The following COL20A1 variants were observed in gnomAD, a reference collection of about 807,000 sequenced individuals.
COL20A1 encodes collagen alpha-1(XX) chain.
In COL20A1, 164 loss-of-function variants were observed where a neutral mutation model predicts 152.9. That is an observed-to-expected ratio of 1.07 (90% CI 0.94 to 1.22). The LOEUF is 1.22. COL20A1 is among the 50% of genes most tolerant of loss of function. COL20A1 has a pLI of 0.00. For synonymous variants in COL20A1, 864 were observed against 756.0 expected, an observed-to-expected ratio of 1.14 and a Z score of -2.34; for missense variants, 1,873 against 1,744.8, an observed-to-expected ratio of 1.07 and a Z score of -1.31.
rs963054360 is a variant in COL20A1 at position 63,332,996 on chromosome 20, C to T, written c.*2280C>T. 5.9e-5 allele frequency: 9 copies of T among 152,338 alleles called. No individual in the cohort carries two copies. Among genetic ancestry groups the T allele is most frequent in the Non-Finnish European group, 7.3e-5 (5 of 68,072 alleles). The allele number at this position is 152,338 out of a possible 1,614,324, so 9.4% of individuals were successfully genotyped here. A position where few individuals can be genotyped will look rare whatever the true frequency, so the allele number is the denominator to read the frequency against. ...GCCGACCTGCACGTCTCCCATCAGC[C>T]CCGACTCCACCGCATCCCTCTGGGT... On this transcript the variant is annotated 3_prime_UTR_variant, in exon 36 of 36. Coordinates refer to ENST00000358894, the MANE Select transcript of COL20A1 (RefSeq NM_020882.4).
At chr20:63,324,543 G>A (rs762052043) in intron 27 of COL20A1, 2 of 152,216 alleles carry the variant, frequency 1.3e-5, no homozygotes, top group Non-Finnish European at 2.9e-5. Context: ...ACAAGCTCTA[G>A]TGCTGTTATG....
intron 27 of COL20A1, 64 bp from the exon 28 acceptor site, chr20:63,325,377 C>T: frequency 7.8e-7 from 1 of 1,282,074 alleles, no homozygotes; most frequent in Non-Finnish European, 1.1e-6. Context: ...AGGTGTCACT[C>T]CTTCCCTGCC....
rs759448867 is a variant in COL20A1, at chr20:63,319,579, T to C, written c.2899T>C (p.Phe967Leu). 8 of 1,582,568 alleles carry C rather than the reference T, an allele frequency of 5.1e-6. No individual in the cohort carries two copies. In the Admixed American group the frequency reaches 1.4e-4, roughly 28 times the overall value. ...CCCGCAGGAAGTGAGGAAGATTTTC[T>C]TCGGGAGCTTCCACAAGGTCCTGGT... The part of the protein sequence containing the change: ...FDPQEVRKIF[F>L]GSFHKVHVAV... The change falls in exon 23 of 36, where the codon TTC becomes CTC. Residue 967 changes from phenylalanine (F) to leucine (L), a missense_variant. Physicochemically the swap from Phe to Leu is conservative, Grantham distance 22. Coordinates refer to ENST00000358894, the MANE Select transcript of COL20A1 (RefSeq NM_020882.4). This position sits in a 1 kb window ranked among gnomAD's most constrained non-coding sequence, Gnocchi z 4.4.
At position 63,320,202 on chromosome 20, in the gene COL20A1, G is replaced by A. The variant is rs768646047; in HGVS notation, c.3075+5G>A. On this transcript the variant is annotated splice_donor_5th_base_variant and intron_variant, in intron 24 of 35. Coordinates refer to ENST00000358894, the MANE Select transcript of COL20A1 (RefSeq NM_020882.4). ...CCCCGGAGCAGTTCGGCCGCGGTGA[G>A]TTGGGCCCTGCCCACCTGCTGGGCC... 269 of 1,595,016 alleles carry A rather than the reference G, an allele frequency of 1.7e-4. No individual in the cohort carries two copies. The highest frequency in any genetic ancestry group is 2.0e-4 in the Non-Finnish European group (238 of 1,174,154).
At chr20:63,329,765 G>T in intron 35 of COL20A1, 104 bp downstream of exon 35, 1 of 808,670 alleles carries the variant, frequency 1.2e-6, no homozygotes, top group Non-Finnish European at 1.9e-6. Flanking sequence ...CCAGGGTGGG[G>T]TGCTGGGAGC....
At position 63,322,083 on chromosome 20, in the gene COL20A1, C is replaced by G; in HGVS notation, c.3266C>G (p.Pro1089Arg). 6.7e-7 allele frequency: 1 copy of G among 1,502,590 alleles called. No individual in the cohort carries two copies. The highest frequency in any genetic ancestry group is 8.8e-7 in the Non-Finnish European group (1 of 1,130,018). The allele number at this position is 1,502,590 out of a possible 1,614,324, so 93.1% of individuals were successfully genotyped here. A position where few individuals can be genotyped will look rare whatever the true frequency, so the allele number is the denominator to read the frequency against. ...GGCCTCCCTGGGAGGAATGGCACCC[C>G]AGGAGAGCAGGGCTTCCCAGGGCCC... is the stretch of plus-strand genomic sequence containing the variant. ...PPGLPGRNGT[P>R]GEQGFPGPRG... The change falls in exon 27 of 36, where the codon CCA (proline) becomes CGA (arginine). Residue 1089 changes from proline (P) to arginine (R), a missense_variant. Physicochemically the swap from Pro to Arg is moderately radical, Grantham distance 103. Transcript: ENST00000358894.
In COL20A1 at chr20:63,306,062, T is replaced by A. The variant is rs2067922039; in HGVS notation, c.496+23T>A. ...CTGGTGGGTCAGAGTGGAGAGAGAG[T>A]AAGTCTCCGGGGAGGGAGTGACCTT... On this transcript the variant is annotated intron_variant, in intron 5 of 35. Coordinates refer to ENST00000358894, the MANE Select transcript of COL20A1 (RefSeq NM_020882.4). The surrounding 1 kb of genome is among the most constrained non-coding windows in gnomAD (Gnocchi z 6.9). 6.4e-7 allele frequency: 1 copy of A among 1,569,264 alleles called. No homozygotes were observed. Among genetic ancestry groups the A allele is most frequent in the Non-Finnish European group, 8.6e-7 (1 of 1,158,996 alleles).
At position 63,307,595 on chromosome 20, in the gene COL20A1, TC is replaced by T. The variant is rs753010290; in HGVS notation, c.604del (p.Leu202TrpfsTer17). ...GHSHFQQVKDFLASVIAPFEI... is the reference protein window; with the variant it reads ...GHSHFQQVKDXLASVIAPFEI... ...AGTCACTTCCAGCAGGTCAAGGACT[TC>T]CTGGCCAGTGTCATCGCACCCTTTG... On this transcript the variant is annotated frameshift_variant, in exon 6 of 36. Coordinates refer to ENST00000358894, the MANE Select transcript of COL20A1 (RefSeq NM_020882.4). LOFTEE classifies it high-confidence loss of function. 7 of 1,612,546 alleles carry T rather than the reference TC, an allele frequency of 4.3e-6. No homozygotes were observed. Among genetic ancestry groups the T allele is most frequent in the South Asian group, 3.3e-5 (3 of 91,090 alleles).
At chr20:63,300,016 A>G (rs927823015) in intron 3 of COL20A1, among the ~76,000 whole-genome samples, 1 of 152,030 alleles carries the variant, frequency 6.6e-6, no homozygotes, top group African/African-American at 2.4e-5. Context: ...CCTGGCCTCA[A>G]GCAGTCTTCT....
Position 63,319,071 on chromosome 20 carries a change from G to GC in COL20A1, c.2683dup (p.Leu895ProfsTer20), listed in dbSNP as rs1339972284. 3.8e-6 allele frequency: 6 copies of GC among 1,592,568 alleles called. No homozygotes were observed. The highest frequency in any genetic ancestry group is 5.1e-6 in the Non-Finnish European group (6 of 1,166,514). ...CAACCCCCACAGTGACGTCTACCCA[G>GC]CCCCCCTACCTCCAGAGCACACCAT... On this transcript the variant is annotated frameshift_variant, in exon 22 of 36. Coordinates refer to ENST00000358894, the MANE Select transcript of COL20A1 (RefSeq NM_020882.4). LOFTEE classifies it high-confidence loss of function. The surrounding 1 kb of genome is among the most constrained non-coding windows in gnomAD (Gnocchi z 4.4).
intron 35 of COL20A1, among the ~76,000 whole-genome samples, chr20:63,330,445 G>T (rs2068318232): frequency 6.6e-6 from 1 of 152,148 alleles, no homozygotes; most frequent in Non-Finnish European, 1.5e-5. Context: ...TGCCTGAGAT[G>T]CCCAAGAATC....
chr20:63,329,372 C>T, intron 34 of COL20A1: 1 of 584,284 alleles, frequency 1.7e-6, no homozygotes, highest in South Asian at 2.1e-5. Flanking sequence ...CCCACCTGGC[C>T]ATGCCCCCCC....
rs2068278484 is a variant in COL20A1, at chr20:63,328,089, A to G, written c.3575A>G (p.Gln1192Arg). ...KGERGEKGEP[Q>R]SLATLYQLVS... Reference sequence around the variant, plus strand: ...CACCTTCCCTTCCAGGGCGAGCCGCAGTCCCTTGCCACCCTCTACCAGCTT... The same window carrying G: ...CACCTTCCCTTCCAGGGCGAGCCGCGGTCCCTTGCCACCCTCTACCAGCTT... The change falls in exon 33 of 36, where the codon CAG (glutamine) becomes CGG (arginine). Residue 1192 changes from glutamine (Q) to arginine (R), a missense_variant. Transcript: ENST00000358894. The G allele has an allele frequency of 3.1e-6, 5 of 1,613,380 alleles. No individual in the cohort carries two copies. The East Asian group carries it at 8.9e-5, about 29-fold the overall frequency.
intron 26 of COL20A1, among the ~76,000 whole-genome samples, chr20:63,321,350 G>T (rs1316239356): frequency 6.6e-6 from 1 of 152,104 alleles, no homozygotes; most frequent in East Asian, 1.9e-4. Context: ...GGAATCCAGT[G>T]ATTCTCACTG....
At chr20:63,327,901 G>A in intron 31 of COL20A1, 51 bp from the exon 32 acceptor site, 1 of 1,550,152 alleles carries the variant, frequency 6.5e-7, no homozygotes, top group Non-Finnish European at 8.8e-7. Flanking sequence ...CTTGTCACGT[G>A]TGGTCTCAGG....
Position 63,306,783 on chromosome 20 carries a change from A to G in COL20A1, c.497-707A>G, listed in dbSNP as rs1343466273. Among the ~76,000 whole-genome samples, 1 of 152,048 alleles carries G rather than the reference A, an allele frequency of 6.6e-6. No individual in the cohort carries two copies. Among genetic ancestry groups the G allele is most frequent in the Non-Finnish European group, 1.5e-5 (1 of 67,976 alleles). On this transcript the variant is annotated intron_variant, in intron 5 of 35. Transcript: ENST00000358894. The surrounding 1 kb of genome is among the most constrained non-coding windows in gnomAD (Gnocchi z 6.9). ...CTGGGGTCCTCAGAAGCAGGATTCT[A>G]CCTCCCCCGTCAGACTTGGAACTGA...
chr20:63,331,908 A>C lies in COL20A1; in HGVS notation c.*1192A>C, dbSNP rs1459603784. 6.6e-6 allele frequency: 1 copy of C among 152,250 alleles called. No homozygotes were observed. Among genetic ancestry groups the C allele is most frequent in the African/African-American group, 2.4e-5 (1 of 41,430 alleles). The allele number at this position is 152,250 out of a possible 1,614,324, so 9.4% of individuals were successfully genotyped here. A position where few individuals can be genotyped will look rare whatever the true frequency, so the allele number is the denominator to read the frequency against. On this transcript the variant is annotated 3_prime_UTR_variant, in exon 36 of 36. Transcript: ENST00000358894. ...AAAGAGGTGAGCGCAAAACAGCTTC[A>C]GGGCAAACACTTCATCTATGATTCA...
At chr20:63,326,195 G>A in intron 30 of COL20A1, 46 bp downstream of exon 30, 1 of 1,499,936 alleles carries the variant, frequency 6.7e-7, no homozygotes, top group South Asian at 1.1e-5. Context: ...CAGGGTTCCT[G>A]TGTTCCAGGG....
chr20:63,296,121 G>A (rs192570280), intron 2 of COL20A1, among the ~76,000 whole-genome samples: 2 of 152,400 alleles, frequency 1.3e-5, no homozygotes, highest in African/African-American at 2.4e-5. Context: ...AGACCCTTCC[G>A]GGTTTCACGG....
Sources: allele counts gnomAD v4.1 joint callset (sites outside exome capture counted in the v4.1 genomes callset), GRCh38; gene constraint gnomAD v4.1.1; non-coding constraint Gnocchi (gnomAD v3.1); transcripts MANE v1.5; gene names NCBI Gene and HGNC (gene_info 2026-07-23, HGNC 2026-07-21).